The following SERPINB2 variants were observed in gnomAD, a reference collection of about 807,000 sequenced individuals.
SERPINB2 encodes the protein serpin family B member 2.
Under a neutral mutation model 39.4 loss-of-function variants are expected in SERPINB2, and 28 were observed. The observed-to-expected ratio is 0.71, with a 90% CI of 0.53 to 0.97. SERPINB2 has a LOEUF of 0.97. Ranked by LOEUF, SERPINB2 falls within the 50% of genes least tolerant of loss-of-function variation. The pLI, the probability that SERPINB2 is intolerant of heterozygous loss-of-function variation, is 0.00. For synonymous variants in SERPINB2, 209 were observed against 175.1 expected (o/e 1.19, Z -1.53); for missense variants, 557 against 505.3 (o/e 1.10, Z -0.98).
At position 63,903,278 on chromosome 18, in the gene SERPINB2, A is replaced by AT. The variant is rs1488082764; in HGVS notation, c.1226dup (p.Gly410ArgfsTer54). 6.5e-7 allele frequency: 1 copy of AT among 1,533,736 alleles called. No homozygotes were observed. Among genetic ancestry groups the AT allele is most frequent in the East Asian group, 2.3e-5 (1 of 43,720 alleles). On this transcript the variant is annotated frameshift_variant, in exon 8 of 8. Transcript: ENST00000299502. LOFTEE classifies it high-confidence loss of function. ...TGCATAAGATAACCAACTGCATTTT[A>AT]TTTTTCGGCAGATTTTCCTCACCCT...
intron 7 of SERPINB2, 84 bp downstream of exon 7, chr18:63,902,652 T>A: frequency 7.5e-7 from 1 of 1,326,698 alleles, no homozygotes; most frequent in Non-Finnish European, 1.0e-6. Flanking sequence ...ACAAATGGTG[T>A]GGTAATTTCT....
In SERPINB2 at chr18:63,903,403, A is replaced by G. The variant is rs1051653681; in HGVS notation, c.*98A>G. 3.2e-6 allele frequency: 4 copies of G among 1,234,940 alleles called. No homozygotes were observed. Among genetic ancestry groups the G allele is most frequent in the Admixed American group, 5.6e-5 (2 of 35,492 alleles). The allele number at this position is 1,234,940 out of a possible 1,614,324, so 76.5% of individuals were successfully genotyped here. The stretch of plus-strand genomic sequence containing the variant: ...CCAAAAATTTAGAGATGTTTTCTAC[A>G]TATTTCTGCTCTTCTGAACAACTTC... On this transcript the variant is annotated 3_prime_UTR_variant, in exon 8 of 8. Coordinates refer to ENST00000299502, the MANE Select transcript of SERPINB2 (RefSeq NM_002575.3).
At chr18:63,898,137 T>C (rs2049972287) in intron 5 of SERPINB2, among the ~76,000 whole-genome samples, 2 of 152,198 alleles carry the variant, frequency 1.3e-5, no homozygotes, top group African/African-American at 4.8e-5. Context: ...AATATCAGCA[T>C]TGAAATAATT....
At chr18:63,888,757 C>T (rs2049907746) in intron 1 of SERPINB2, among the ~76,000 whole-genome samples, 1 of 152,144 alleles carries the variant, frequency 6.6e-6, no homozygotes, top group African/African-American at 2.4e-5. Context: ...CATATTACTC[C>T]CATTAATTCA....
chr18:63,896,932 C>T (rs923176847), intron 3 of SERPINB2, among the ~76,000 whole-genome samples, 159 bp from the exon 4 acceptor site: 9 of 152,128 alleles, frequency 5.9e-5, no homozygotes, highest in African/African-American at 1.4e-4. Flanking sequence ...ACATCCTTAT[C>T]GAAATGATTT....
At chr18:63,889,897 C>T (rs903637042) in intron 1 of SERPINB2, 1 of 152,098 alleles carries the variant, frequency 6.6e-6, no homozygotes, top group African/African-American at 2.4e-5. Flanking sequence ...TATGCACCAC[C>T]GAGTGAAGCG....
chr18:63,889,397 C>G (rs938487691), intron 1 of SERPINB2, among the ~76,000 whole-genome samples: 3 of 152,004 alleles, frequency 2.0e-5, no homozygotes, highest in Non-Finnish European at 4.4e-5. Flanking sequence ...ATTAACAGAA[C>G]TTTCTGTTAG....
intron 1 of SERPINB2, among the ~76,000 whole-genome samples, chr18:63,888,543 C>G (rs1469307786): frequency 6.6e-6 from 1 of 152,132 alleles, no homozygotes; most frequent in African/African-American, 2.4e-5. Context: ...CAAAATATTT[C>G]CACTGTCTAA....
At chr18:63,901,529 C>T (rs146801137) in intron 5 of SERPINB2, among the ~76,000 whole-genome samples, 61 of 152,150 alleles carry the variant, frequency 4.0e-4, no homozygotes, top group Admixed American at 1.4e-3. Context: ...ATTTTAAATG[C>T]ATTATTTCTT....
At chr18:63,887,954 A>G (rs535936604) in intron 1 of SERPINB2, among the ~76,000 whole-genome samples, 184 bp downstream of exon 1, 2 of 152,346 alleles carry the variant, frequency 1.3e-5, no homozygotes, top group Non-Finnish European at 2.9e-5. Context: ...GATTTGAATT[A>G]AATTTATAAG....
chr18:63,900,581 T>C (rs994441603), intron 5 of SERPINB2, among the ~76,000 whole-genome samples: 1 of 152,154 alleles, frequency 6.6e-6, no homozygotes, highest in African/African-American at 2.4e-5. Context: ...TAATTACATG[T>C]AGATTAAGGG....
chr18:63,897,685 G>A, intron 4 of SERPINB2, 42 bp from the exon 5 acceptor site: 3 of 1,259,134 alleles, frequency 2.4e-6, no homozygotes, highest in Non-Finnish European at 3.5e-6. Flanking sequence ...GGCTTGTTTG[G>A]TATGTATTTT....
rs1442919251 is a variant in SERPINB2 at position 63,902,984 on chromosome 18, A to G, written c.927A>G (p.Ile309Met). 3 of 1,613,684 alleles carry G rather than the reference A, an allele frequency of 1.9e-6. No individual in the cohort carries two copies. The African/African-American group carries it at 4.0e-5, about 22-fold the overall frequency. ...KMAEDEVEVY[I>M]PQFKLEEHYE... ...CTGAAGATGAAGTTGAGGTATACAT[A>G]CCCCAGTTCAAATTAGAAGAGCATT... is the stretch of plus-strand genomic sequence containing the variant. The change falls in exon 8 of 8, where the codon ATA becomes ATG. Residue 309 changes from isoleucine (I) to methionine (M), a missense_variant. By Grantham distance (10) the Ile-to-Met change is conservative. Transcript: ENST00000299502.
At chr18:63,897,662 A>G in intron 4 of SERPINB2, 65 bp from the exon 5 acceptor site, 3 of 1,112,892 alleles carry the variant, frequency 2.7e-6, no homozygotes, top group African/African-American at 1.6e-5. Context: ...ACCATAATTC[A>G]CCATTATGCC....
chr18:63,891,696 A>AT, intron 2 of SERPINB2, 84 bp downstream of exon 2: 1 of 1,348,742 alleles, frequency 7.4e-7, no homozygotes, highest in East Asian at 2.5e-5. Context: ...TGCTAAAGAC[A>AT]TTTTAACTCA....
Position 63,902,293 on chromosome 18 carries a change from A to T in SERPINB2, c.679-111A>T, listed in dbSNP as rs1367084404. The T allele has an allele frequency of 4.1e-6, 4 of 972,288 alleles. No homozygotes were observed. In the East Asian group the frequency reaches 1.1e-4, roughly 26 times the overall value. The allele number at this position is 972,288 out of a possible 1,614,324, so 60.2% of individuals were successfully genotyped here. A position where few individuals can be genotyped will look rare whatever the true frequency, so the allele number is the denominator to read the frequency against. On this transcript the variant is annotated intron_variant, in intron 6 of 7. Coordinates refer to ENST00000299502, the MANE Select transcript of SERPINB2 (RefSeq NM_002575.3). Reference sequence around the variant, plus strand: ...AAATAATTTATTTTGTTGATTTAAAAAAATCACATTTATCCTACACTAAAG... The same window carrying T: ...AAATAATTTATTTTGTTGATTTAAATAAATCACATTTATCCTACACTAAAG...
At chr18:63,896,881 TG>T (rs1309605133) in intron 3 of SERPINB2, among the ~76,000 whole-genome samples, 1 of 152,182 alleles carries the variant, frequency 6.6e-6, no homozygotes, top group African/African-American at 2.4e-5. Flanking sequence ...AGAGCAAAAT[TG>T]GAAAGAAATT....
chr18:63,892,905 G>C (rs749388843), intron 2 of SERPINB2, among the ~76,000 whole-genome samples: 2 of 152,110 alleles, frequency 1.3e-5, no homozygotes, highest in Non-Finnish European at 2.9e-5. Flanking sequence ...AAAAGCTTTA[G>C]AAACATCAGG....
chr18:63,895,478 T>A, intron 3 of SERPINB2, 95 bp downstream of exon 3: 1 of 1,446,046 alleles, frequency 6.9e-7, no homozygotes, highest in Non-Finnish European at 9.6e-7. Context: ...GAAGCGAATA[T>A]ACCCTCCCCC....
Sources: allele counts gnomAD v4.1 joint callset (sites outside exome capture counted in the v4.1 genomes callset), GRCh38; gene constraint gnomAD v4.1.1; transcripts MANE v1.5; gene names NCBI Gene and HGNC (gene_info 2026-07-23, HGNC 2026-07-21).